SNX25: variants seen among roughly 807,000 people sequenced by gnomAD.
The protein encoded by SNX25 is sorting nexin 25.
SNX25 carries 62 observed loss-of-function variants against 113.7 expected under a neutral mutation model. The observed-to-expected ratio is 0.55, with a 90% CI of 0.44 to 0.67. The LOEUF (loss-of-function observed/expected upper bound fraction) is 0.67, where lower values mean the gene tolerates loss of function less well. Among genes scored for constraint, SNX25 ranks in the 30% least tolerant of loss-of-function variants. The pLI, the probability that SNX25 is intolerant of heterozygous loss-of-function variation, is 0.00. For missense variants in SNX25, 1,014 were observed against 1,161.0 expected (o/e 0.87, Z 1.84); for synonymous variants, 421 against 436.2 (o/e 0.97, Z 0.43).
Position 185,362,730 on chromosome 4 carries a change from A to G in SNX25, c.2934+19A>G. The G allele has an allele frequency of 6.3e-7, 1 of 1,590,136 alleles. No individual in the cohort carries two copies. The highest frequency in any genetic ancestry group is 8.6e-7 in the Non-Finnish European group (1 of 1,161,520). ...GTTATATGTGAGTAAATTAAAGCCC[A>G]GGGGGTTTCCTGCTTTATTTTTGTC... is the stretch of plus-strand genomic sequence containing the variant. On this transcript the variant is annotated intron_variant, in intron 18 of 18. Coordinates refer to ENST00000652585, the MANE Select transcript of SNX25 (RefSeq NM_001378034.2).
Position 185,320,741 on chromosome 4 carries a change from G to A in SNX25, c.1353G>A (p.Gln451=). 1 of 1,530,788 alleles carries A rather than the reference G, an allele frequency of 6.5e-7. No individual in the cohort carries two copies. The highest frequency in any genetic ancestry group is 2.2e-5 in the Admixed American group (1 of 44,448). The allele number at this position is 1,530,788 out of a possible 1,614,324, so 94.8% of individuals were successfully genotyped here. ...GEGPQSQKIL[Q]FEDILANTFY... is the part of the protein sequence containing the mutation. The stretch of plus-strand genomic sequence containing the variant: ...TTAAATTCTCTTAATAGATTCTTCA[G>A]TTTGAAGATATCTTGGCCAATACGT... The change falls in exon 8 of 19, where the codon CAG becomes CAA. Residue 451 remains glutamine (Q), a synonymous_variant. Coordinates refer to ENST00000652585, the MANE Select transcript of SNX25 (RefSeq NM_001378034.2).
chr4:185,362,317 T>C (rs763949882), intron 17 of SNX25: 10 of 985,430 alleles, frequency 1.0e-5, no homozygotes, highest in Non-Finnish European at 1.2e-5. Flanking sequence ...TAATAAACTT[T>C]GTGTTTTGGA....
intron 13 of SNX25, among the ~76,000 whole-genome samples, chr4:185,347,443 GT>G (rs796980253): frequency 1.3e-5 from 2 of 150,612 alleles, no homozygotes. Context: ...GGGGTTTGGT[GT>G]TTTTTTTTGT....
downstream of SNX25, chr4:185,374,588 A>T: frequency 1.0e-6 from 1 of 987,538 alleles, no homozygotes; most frequent in Non-Finnish European, 1.5e-6. Flanking sequence ...ATCTGTGCCC[A>T]AGGGGTACAA....
At chr4:185,246,397 T>C (rs1462711169) in intron 1 of SNX25, among the ~76,000 whole-genome samples, 1 of 152,258 alleles carries the variant, frequency 6.6e-6, no homozygotes, top group Non-Finnish European at 1.5e-5. Flanking sequence ...CCCTGTGTCC[T>C]GGTGAACATT....
At chr4:185,228,232 G>A (rs929716425) in intron 1 of SNX25, among the ~76,000 whole-genome samples, 9 of 152,274 alleles carry the variant, frequency 5.9e-5, no homozygotes, top group African/African-American at 2.2e-4. Flanking sequence ...TTGTTGTCAG[G>A]GAGAGATATT....
chr4:185,318,765 T>A (rs1227933528), intron 7 of SNX25, among the ~76,000 whole-genome samples: 1 of 152,208 alleles, frequency 6.6e-6, no homozygotes, highest in Non-Finnish European at 1.5e-5. Context: ...TCTGTTTCAT[T>A]CCTAGAACTG....
At chr4:185,249,991 T>C (rs1447145974) in intron 2 of SNX25, among the ~76,000 whole-genome samples, 3 of 152,158 alleles carry the variant, frequency 2.0e-5, no homozygotes, top group Non-Finnish European at 4.4e-5. Flanking sequence ...TTTTTGGGGG[T>C]TTCTTCTGAT....
intron 9 of SNX25, among the ~76,000 whole-genome samples, chr4:185,328,654 A>T (rs2095172865): frequency 6.6e-6 from 1 of 152,208 alleles, no homozygotes; most frequent in Non-Finnish European, 1.5e-5. Context: ...GGATTGGGTT[A>T]TGTGTAGGAA....
chr4:185,376,574 G>A, the SNX25 span, among the ~76,000 whole-genome samples: 4 of 151,914 alleles, frequency 2.6e-5, no homozygotes, highest in South Asian at 6.2e-4. Flanking sequence ...GATTACAGGC[G>A]TGAGCCACCG....
chr4:185,303,172 C>A (rs1460110070), intron 6 of SNX25, among the ~76,000 whole-genome samples: 1 of 152,186 alleles, frequency 6.6e-6, no homozygotes, highest in Non-Finnish European at 1.5e-5. Flanking sequence ...TCACAACAAG[C>A]ATTGTATGGG....
chr4:185,357,724 A>G lies in SNX25; in HGVS notation c.2638A>G (p.Arg880Gly), dbSNP rs1561053611. 6.2e-7 allele frequency: 1 copy of G among 1,613,862 alleles called. No homozygotes were observed. The highest frequency in any genetic ancestry group is 8.5e-7 in the Non-Finnish European group (1 of 1,179,752). The change falls in exon 16 of 19, where the codon AGA (arginine) becomes GGA (glycine). Residue 880 changes from arginine to glycine, a missense_variant. Coordinates refer to ENST00000652585, the MANE Select transcript of SNX25 (RefSeq NM_001378034.2). ...TGCCCTCGTTCAGGTCACTTTTGGA[A>G]GAACCATCAACAAGTGAGTTGTATG... Reference protein sequence around the residue: ...LIALVQVTFGRTINKQIRDTV... With the variant: ...LIALVQVTFGGTINKQIRDTV...
At chr4:185,259,086 C>A (rs1224913068) in intron 3 of SNX25, 22 bp downstream of exon 3, 1 of 1,592,644 alleles carries the variant, frequency 6.3e-7, no homozygotes, top group Non-Finnish European at 8.6e-7. Flanking sequence ...AAGCAACTTA[C>A]CCCCTTTTTT....
intron 13 of SNX25, among the ~76,000 whole-genome samples, chr4:185,349,503 T>C (rs977418004): frequency 1.3e-5 from 2 of 152,214 alleles, no homozygotes; most frequent in African/African-American, 4.8e-5. Flanking sequence ...TTTTTCATAA[T>C]GACTGTACTA....
the SNX25 span, chr4:185,376,924 T>C: frequency 1.8e-4 from 284 of 1,612,064 alleles, no homozygotes; most frequent in Non-Finnish European, 2.3e-4. Context: ...CAAAATATAG[T>C]TGACCTCGTA....
chr4:185,367,147 G>T (rs369864477), downstream of SNX25: 72 of 1,553,298 alleles, frequency 4.6e-5, no homozygotes, highest in Non-Finnish European at 6.0e-5. Context: ...TGAGGTGTTA[G>T]CATTGATGAT....
In SNX25 at chr4:185,298,093, CTTTT is replaced by C. The variant is rs6148841; in HGVS notation, c.1162+10021_1162+10024del. Among the ~76,000 whole-genome samples the C allele has an allele frequency of 2.2e-5, 3 of 137,158 alleles. No homozygotes were observed. In the South Asian group the frequency reaches 6.9e-4, roughly 32 times the overall value. 90.0% of individuals were successfully genotyped at this position (137,158 alleles called of 152,430 possible). A position where few individuals can be genotyped will look rare whatever the true frequency, so the allele number is the denominator to read the frequency against. ...GCCCTCTTAACTATTATAGTAACTTCTTTTTTTTTTTTTGAGATGGAGTCTCACT... is the reference window on the plus strand; with the variant it reads ...GCCCTCTTAACTATTATAGTAACTTCTTTTTTTTTGAGATGGAGTCTCACT... On this transcript the variant is annotated intron_variant, in intron 6 of 18. Coordinates refer to ENST00000652585, the MANE Select transcript of SNX25 (RefSeq NM_001378034.2).
At chr4:185,353,286 A>C in intron 14 of SNX25, 199 bp from the exon 15 acceptor site, 1 of 475,674 alleles carries the variant, frequency 2.1e-6, no homozygotes, top group African/African-American at 1.9e-5. Flanking sequence ...AGCTTATTTT[A>C]AGCCTTGAAT....
At chr4:185,251,289 C>A (rs1745599879) in intron 2 of SNX25, among the ~76,000 whole-genome samples, 1 of 152,190 alleles carries the variant, frequency 6.6e-6, no homozygotes, top group South Asian at 2.1e-4. Flanking sequence ...GCCCCCGCAC[C>A]CGGCCTTAGT....
Sources: gnomAD v4.1 joint callset for allele counts (sites outside exome capture counted in the v4.1 genomes callset) on GRCh38, gnomAD v4.1.1 for gene constraint, MANE v1.5 for transcripts, NCBI Gene and HGNC (gene_info 2026-07-23, HGNC 2026-07-21) for gene names.